SPAG16: variants seen among roughly 807,000 people sequenced by gnomAD.
SPAG16 encodes sperm-associated antigen 16 protein.
In SPAG16, 86 loss-of-function variants were observed where a neutral mutation model predicts 80.4. The ratio of observed to expected loss-of-function variants is 1.07; its 90% CI spans 0.90 to 1.28. SPAG16 has a LOEUF of 1.28. SPAG16 is among the 50% of genes most tolerant of loss of function. The pLI is 0.00. For synonymous variants in SPAG16, 294 were observed against 265.9 expected, an observed-to-expected ratio of 1.11 and a Z score of -1.03; for missense variants, 870 against 765.3, an observed-to-expected ratio of 1.14 and a Z score of -1.61.
At chr2:213,966,337 T>C (rs1174210673) in intron 12 of SPAG16, among the ~76,000 whole-genome samples, 1 of 152,202 alleles carries the variant, frequency 6.6e-6, no homozygotes, top group Non-Finnish European at 1.5e-5. Context: ...TTTGTATAAT[T>C]TTCTAACTCT....
At chr2:213,856,543 C>T (rs549438212) in intron 10 of SPAG16, among the ~76,000 whole-genome samples, 3 of 152,348 alleles carry the variant, frequency 2.0e-5, no homozygotes, top group Non-Finnish European at 2.9e-5. Flanking sequence ...AGCCACCCTA[C>T]AGCAGACTTC....
At chr2:214,248,285 TTA>T (rs1349723381) in intron 15 of SPAG16, among the ~76,000 whole-genome samples, 1 of 129,530 alleles carries the variant, frequency 7.7e-6, no homozygotes, top group African/African-American at 3.0e-5. Flanking sequence ...GGTACTATTC[TTA>T]TATTATTATT....
intron 10 of SPAG16, among the ~76,000 whole-genome samples, chr2:213,581,154 C>A (rs1242019391): frequency 2.6e-5 from 4 of 152,046 alleles, no homozygotes; most frequent in Admixed American, 2.0e-4. Context: ...CTATAATGAT[C>A]ATAACTATTA....
chr2:213,492,616 A>G (rs2074308838), intron 10 of SPAG16, among the ~76,000 whole-genome samples: 1 of 151,730 alleles, frequency 6.6e-6, no homozygotes, highest in Admixed American at 6.6e-5. Flanking sequence ...CACATACAGA[A>G]TCTTAGTAAG....
intron 13 of SPAG16, among the ~76,000 whole-genome samples, chr2:214,018,471 T>C (rs1246092089): frequency 1.3e-5 from 2 of 152,148 alleles, no homozygotes; most frequent in Non-Finnish European, 2.9e-5. Flanking sequence ...GGTAACCAGA[T>C]TAGCTAAAGT....
chr2:213,715,222 G>GTCTATCTATCTATCTATCTATCTA (rs1553615157), intron 10 of SPAG16, among the ~76,000 whole-genome samples: 9 of 110,460 alleles, frequency 8.1e-5, no homozygotes, highest in South Asian at 2.9e-4. Flanking sequence ...AGATCTATCT[G>GTCTATCTATCTATCTATCTATCTA]TCTATCTATC....
intron 10 of SPAG16, among the ~76,000 whole-genome samples, chr2:213,503,963 A>G (rs192249545): frequency 2.0e-5 from 3 of 152,286 alleles, no homozygotes; most frequent in East Asian, 1.9e-4. Flanking sequence ...ACAGTTTACC[A>G]TAGGATTTTT....
intron 10 of SPAG16, among the ~76,000 whole-genome samples, chr2:213,831,345 G>A (rs1389900685): frequency 6.6e-6 from 1 of 151,314 alleles, no homozygotes; most frequent in African/African-American, 2.4e-5. Context: ...GCTGAACCAT[G>A]ACTTTTTATC....
At chr2:213,894,598 G>A (rs1188901561) in intron 11 of SPAG16, among the ~76,000 whole-genome samples, 2 of 152,080 alleles carry the variant, frequency 1.3e-5, no homozygotes, top group Non-Finnish European at 2.9e-5. Flanking sequence ...ACCCTGGCCA[G>A]AGCAATTAGG....
chr2:213,427,873 G>A (rs2070037614), intron 9 of SPAG16, among the ~76,000 whole-genome samples: 1 of 152,156 alleles, frequency 6.6e-6, no homozygotes, highest in African/African-American at 2.4e-5. Context: ...AATATTCAGT[G>A]TAGATTTAAT....
At chr2:213,518,548 G>T (rs907226125) in intron 10 of SPAG16, among the ~76,000 whole-genome samples, 1 of 152,134 alleles carries the variant, frequency 6.6e-6, no homozygotes, top group Non-Finnish European at 1.5e-5. Context: ...AGCTACCATG[G>T]CTGGCCTGAT....
At chr2:213,882,922 G>T (rs1446602266) in intron 11 of SPAG16, among the ~76,000 whole-genome samples, 1 of 151,964 alleles carries the variant, frequency 6.6e-6, no homozygotes. Context: ...TCCCAGGCTG[G>T]AGTGCAGTGG....
intron 6 of SPAG16, among the ~76,000 whole-genome samples, chr2:213,348,837 A>T (rs2065161753): frequency 1.3e-5 from 2 of 152,266 alleles, no homozygotes; most frequent in South Asian, 4.1e-4. Context: ...AACTTTGGTG[A>T]ATCTGACAAT....
At chr2:214,161,910 G>A (rs1349408557) in intron 15 of SPAG16, among the ~76,000 whole-genome samples, 1 of 152,032 alleles carries the variant, frequency 6.6e-6, no homozygotes, top group East Asian at 1.9e-4. Flanking sequence ...GTTTGTCTTT[G>A]TATTTTTTTG....
intron 15 of SPAG16, among the ~76,000 whole-genome samples, chr2:214,246,396 C>T (rs571110479): frequency 3.9e-5 from 6 of 152,156 alleles, no homozygotes; most frequent in African/African-American, 9.6e-5. Flanking sequence ...CCTTTGAAAC[C>T]GGGTGGGCTT....
At chr2:214,326,120 C>T (rs1696461891) in intron 15 of SPAG16, among the ~76,000 whole-genome samples, 1 of 152,154 alleles carries the variant, frequency 6.6e-6, no homozygotes. Context: ...CTGTAAAAAG[C>T]ATCTTTTTAG....
chr2:213,529,731 A>G (rs906396969), intron 10 of SPAG16, among the ~76,000 whole-genome samples: 1 of 152,226 alleles, frequency 6.6e-6, no homozygotes, highest in Non-Finnish European at 1.5e-5. Context: ...GAAAATGTAC[A>G]TTAAAAACAT....
At chr2:213,451,134 G>T (rs547314449) in intron 9 of SPAG16, among the ~76,000 whole-genome samples, 1 of 152,080 alleles carries the variant, frequency 6.6e-6, no homozygotes, top group East Asian at 1.9e-4. Flanking sequence ...TATCCACATT[G>T]TGAAGCACTT....
intron 9 of SPAG16, among the ~76,000 whole-genome samples, chr2:213,469,200 A>T (rs1420970092): frequency 6.6e-6 from 1 of 152,184 alleles, no homozygotes; most frequent in Non-Finnish European, 1.5e-5. Flanking sequence ...GAGATTATAC[A>T]TAATCAAATA....
Sources: gnomAD v4.1 joint callset for allele counts (sites outside exome capture counted in the v4.1 genomes callset) on GRCh38, gnomAD v4.1.1 for gene constraint, MANE v1.5 for transcripts, NCBI Gene and HGNC (gene_info 2026-07-23, HGNC 2026-07-21) for gene names.